SPINT4: variants seen among roughly 807,000 people sequenced by gnomAD.
SPINT4 encodes the protein kunitz-type protease inhibitor 4.
SPINT4 carries 7 observed loss-of-function variants against 9.4 expected under a neutral mutation model. The observed-to-expected ratio is 0.74, with a 90% CI of 0.42 to 1.40. The LOEUF is 1.40. Among genes scored for constraint, SPINT4 ranks in the 40% most tolerant of loss-of-function variants. SPINT4 has a pLI of 0.01. For missense variants in SPINT4, 105 were observed against 114.4 expected, an observed-to-expected ratio of 0.92 and a Z score of 0.37; for synonymous variants, 36 against 39.9, an observed-to-expected ratio of 0.90 and a Z score of 0.37.
At chr20:45,723,755 T>C (rs1250418455) in intron 1 of SPINT4, 125 bp from the exon 2 acceptor site, 1 of 768,464 alleles carries the variant, frequency 1.3e-6, no homozygotes, top group Non-Finnish European at 2.0e-6. Flanking sequence ...ACCACATCTT[T>C]CAGAGTCCTT....
In SPINT4 at chr20:45,723,811, C is replaced by T. The variant is rs1984858684; in HGVS notation, c.116-69C>T. On this transcript the variant is annotated intron_variant, in intron 1 of 2. Coordinates refer to ENST00000279058, the MANE Select transcript of SPINT4 (RefSeq NM_178455.3). ...GCTAAACGTAGGAATTTTTAAGGGC[C>T]CATAAAGACAAGTTCTCCTGCTGAG... The T allele has an allele frequency of 1.2e-5, 16 of 1,304,100 alleles. 1 individual carries two copies. In the South Asian group the frequency reaches 2.6e-4, roughly 21 times the overall value. 80.8% of individuals were successfully genotyped at this position (1,304,100 alleles called of 1,614,324 possible). A position where few individuals can be genotyped will look rare whatever the true frequency, so the allele number is the denominator to read the frequency against.
chr20:45,725,734 C>A lies in SPINT4; in HGVS notation c.*99C>A, dbSNP rs1400005339. 7 of 1,469,048 alleles carry A rather than the reference C, an allele frequency of 4.8e-6. No individual in the cohort carries two copies. The Admixed American group carries it at 1.2e-4, about 25-fold the overall frequency. 91.0% of individuals were successfully genotyped at this position (1,469,048 alleles called of 1,614,324 possible). ...AAATCTTTGTAATATTTCCATAATG[C>A]TTTAAGCTTCCATATGTTTGCTATT... On this transcript the variant is annotated 3_prime_UTR_variant, in exon 3 of 3. Coordinates refer to ENST00000279058, the MANE Select transcript of SPINT4 (RefSeq NM_178455.3).
intron 1 of SPINT4, among the ~76,000 whole-genome samples, chr20:45,722,893 T>A (rs1412030275): frequency 6.6e-6 from 1 of 152,104 alleles, no homozygotes. Flanking sequence ...GACAGATGAT[T>A]CCTGTTTAGA....
chr20:45,724,038 G>A lies in SPINT4; in HGVS notation c.274G>A (p.Val92Ile). ...TAAAATAGAACGTGAAGTAGCCTGTGTTGCAAAATACAAACCACCGTAAGG... is the reference window on the plus strand; with the variant it reads ...TAAAATAGAACGTGAAGTAGCCTGTATTGCAAAATACAAACCACCGTAAGG... ...KLKIEREVAC[V>I]AKYKPPR The change falls in exon 2 of 3, where the codon GTT becomes ATT. Residue 92 changes from valine to isoleucine, a missense_variant. Physicochemically the swap from Val to Ile is conservative, Grantham distance 29. Coordinates refer to ENST00000279058, the MANE Select transcript of SPINT4 (RefSeq NM_178455.3). The A allele has an allele frequency of 1.9e-6, 3 of 1,608,090 alleles. No homozygotes were observed. The highest frequency in any genetic ancestry group is 1.7e-4 in the Middle Eastern group (1 of 6,040).
At chr20:45,723,277 C>T (rs1170089054) in intron 1 of SPINT4, among the ~76,000 whole-genome samples, 3 of 152,072 alleles carry the variant, frequency 2.0e-5, no homozygotes, top group Middle Eastern at 3.2e-3. Flanking sequence ...TACTACCCAA[C>T]TCTTAACAAT....
At chr20:45,722,644 G>A (rs113072754) in intron 1 of SPINT4, among the ~76,000 whole-genome samples, 162 bp downstream of exon 1, 4 of 152,090 alleles carry the variant, frequency 2.6e-5, no homozygotes, top group African/African-American at 7.2e-5. Context: ...TTACACTAGG[G>A]GTCCTCTGGA....
chr20:45,724,810 C>T (rs1244938882), intron 2 of SPINT4, among the ~76,000 whole-genome samples: 5 of 148,328 alleles, frequency 3.4e-5, no homozygotes, highest in Non-Finnish European at 7.4e-5. Flanking sequence ...GAAACCCCGT[C>T]TCTACCAAAT....
In SPINT4 at chr20:45,723,861, A is replaced by G. The variant is rs372041552; in HGVS notation, c.116-19A>G. ...GTCCTTACCAATTCCCACTAACTCA[A>G]TGGGAACCTCTCATGCAGATCCCTG... On this transcript the variant is annotated intron_variant, in intron 1 of 2. Coordinates refer to ENST00000279058, the MANE Select transcript of SPINT4 (RefSeq NM_178455.3). The G allele has an allele frequency of 2.7e-5, 42 of 1,546,420 alleles. 1 individual carries two copies. Among genetic ancestry groups the G allele is most frequent in the Admixed American group, 8.8e-5 (4 of 45,460 alleles).
rs780753316 is a variant in SPINT4, at chr20:45,725,674, G to A, written c.*39G>A. 15 of 1,611,092 alleles carry A rather than the reference G, an allele frequency of 9.3e-6. No homozygotes were observed. The East Asian group carries it at 1.3e-4, about 14-fold the overall frequency. On this transcript the variant is annotated 3_prime_UTR_variant, in exon 3 of 3. Transcript: ENST00000279058. Reference sequence around the variant, plus strand: ...CATGAAGTTGTCTGCTGCACCATCCGAAATAAAGACACAAGAAAATTCAGA... The same window carrying A: ...CATGAAGTTGTCTGCTGCACCATCCAAAATAAAGACACAAGAAAATTCAGA...
intron 2 of SPINT4, among the ~76,000 whole-genome samples, 184 bp from the exon 3 acceptor site, chr20:45,725,445 T>C (rs1012490243): frequency 1.3e-5 from 2 of 152,042 alleles, no homozygotes; most frequent in African/African-American, 2.4e-5. Context: ...TGGCACATAC[T>C]AAGCAATGAT....
In SPINT4 at chr20:45,724,057, C is replaced by T. The variant is rs142613680; in HGVS notation, c.293C>T (p.Pro98Leu). The T allele has an allele frequency of 1.1e-4, 174 of 1,604,068 alleles. 1 individual carries two copies. The East Asian group carries it at 3.0e-3, about 28-fold the overall frequency. Residue 98 changes from proline to leucine, a missense_variant and splice_region_variant, in exon 2 of 3, where the codon CCG becomes CTG. By Grantham distance (98) the Pro-to-Leu change is moderately conservative (BLOSUM62 -3). Transcript: ENST00000279058. ...EVACVAKYKP[P>L]R ...GCCTGTGTTGCAAAATACAAACCAC[C>T]GTAAGGAATCTAATCCTGTCCTTGG...
rs945344795 is a variant in SPINT4, at chr20:45,724,018, T to G, written c.254T>G (p.Ile85Arg). 5.0e-6 allele frequency: 8 copies of G among 1,610,914 alleles called. No homozygotes were observed. Among genetic ancestry groups the G allele is most frequent in the Non-Finnish European group, 6.8e-6 (8 of 1,179,158 alleles). Residue 85 changes from isoleucine (I) to arginine (R), a missense_variant, in exon 2 of 3, where the codon ATA becomes AGA. Physicochemically the swap from Ile to Arg is moderately conservative, Grantham distance 97. Coordinates refer to ENST00000279058, the MANE Select transcript of SPINT4 (RefSeq NM_178455.3). ...AACCTTAACAACTTCAAGCTTAAAA[T>G]AGAACGTGAAGTAGCCTGTGTTGCA... ...NGNLNNFKLK[I>R]EREVACVAKY... is the part of the protein sequence containing the mutation.
intron 1 of SPINT4, among the ~76,000 whole-genome samples, chr20:45,723,406 A>G (rs6032471): frequency 0.46 from 70,482 of 151,880 alleles, 18,018 homozygotes; most frequent in African/African-American, 0.67. Context: ...CCTGCTTTAA[A>G]GATAGCAGCA....
At chr20:45,723,845 A>G in intron 1 of SPINT4, 35 bp from the exon 2 acceptor site, 1 of 1,523,852 alleles carries the variant, frequency 6.6e-7, no homozygotes, top group Non-Finnish European at 8.8e-7. Flanking sequence ...AGTCCTTACC[A>G]ATTCCCACTA....
chr20:45,724,142 G>C, intron 2 of SPINT4, 85 bp downstream of exon 2: 1 of 1,387,446 alleles, frequency 7.2e-7, no homozygotes, highest in Non-Finnish European at 9.8e-7. Flanking sequence ...ATTGATCAGG[G>C]GCTAACCTTG....
chr20:45,725,014 A>T (rs1473496597), intron 2 of SPINT4, among the ~76,000 whole-genome samples: 2 of 118,558 alleles, frequency 1.7e-5, no homozygotes, highest in Admixed American at 1.7e-4. Flanking sequence ...ATATATATAT[A>T]TATATATATA....
At chr20:45,722,798 T>C (rs997744643) in intron 1 of SPINT4, among the ~76,000 whole-genome samples, 1 of 152,108 alleles carries the variant, frequency 6.6e-6, no homozygotes, top group Non-Finnish European at 1.5e-5. Flanking sequence ...TGATTATGTA[T>C]TGGGATGAGA....
chr20:45,724,199 G>A, intron 2 of SPINT4, 142 bp downstream of exon 2: 1 of 951,028 alleles, frequency 1.1e-6, no homozygotes, highest in Non-Finnish European at 1.5e-6. Context: ...AGTTTTAACA[G>A]TTGGGTTGGC....
intron 1 of SPINT4, among the ~76,000 whole-genome samples, chr20:45,722,902 G>A (rs145930130): frequency 1.9e-3 from 291 of 152,204 alleles, no homozygotes; most frequent in African/African-American, 6.7e-3. Flanking sequence ...TTCCTGTTTA[G>A]AGGAGCTCAC....
Sources: allele counts gnomAD v4.1 joint callset (sites outside exome capture counted in the v4.1 genomes callset), GRCh38; gene constraint gnomAD v4.1.1; transcripts MANE v1.5; gene names NCBI Gene and HGNC (gene_info 2026-07-23, HGNC 2026-07-21).